C2orf66: variants seen among roughly 807,000 people sequenced by gnomAD.
C2orf66 encodes chromosome 2 open reading frame 66.
In C2orf66, 6 loss-of-function variants were observed where a neutral mutation model predicts 7.0. That is an observed-to-expected ratio of 0.86 (90% CI 0.47 to 1.69). The LOEUF is 1.69. Ranked by LOEUF, C2orf66 falls within the 40% of genes most tolerant of loss-of-function variation. The pLI, the probability that C2orf66 is intolerant of heterozygous loss-of-function variation, is 0.01. For missense variants in C2orf66, 107 were observed against 112.0 expected, an observed-to-expected ratio of 0.96 and a Z score of 0.20; for synonymous variants, 38 against 43.8, an observed-to-expected ratio of 0.87 and a Z score of 0.52.
At chr2:196,828,735 G>A in the C2orf66 span, among the ~76,000 whole-genome samples, 1 of 152,186 alleles carries the variant, frequency 6.6e-6, no homozygotes, top group Non-Finnish European at 1.5e-5. Flanking sequence ...TCTCTTGCTG[G>A]TTTTGAAGGA....
the C2orf66 span, among the ~76,000 whole-genome samples, chr2:196,824,088 AAGATTTTGAG>A: frequency 6.6e-6 from 1 of 152,178 alleles, no homozygotes; most frequent in Non-Finnish European, 1.5e-5. Flanking sequence ...ATGGTCAGAA[AAGATTTTGAG>A]AGTAGGAAGT....
the C2orf66 span, among the ~76,000 whole-genome samples, chr2:196,815,669 G>A: frequency 1.3e-5 from 2 of 152,184 alleles, no homozygotes; most frequent in Non-Finnish European, 2.9e-5. Context: ...CAACAAATAT[G>A]TGTTGATTGA....
intron 1 of C2orf66, 60 bp downstream of exon 1, chr2:196,809,154 G>T: frequency 6.6e-7 from 1 of 1,504,540 alleles, no homozygotes; most frequent in Non-Finnish European, 9.1e-7. Flanking sequence ...AATGCTGTGT[G>T]CGTAAATCCA....
At position 196,809,294 on chromosome 2, in the gene C2orf66, G is replaced by T. The variant is rs892949354; in HGVS notation, c.43C>A (p.Leu15Met). 36 of 1,613,930 alleles carry T rather than the reference G, an allele frequency of 2.2e-5. No homozygotes were observed. The highest frequency in any genetic ancestry group is 2.9e-5 in the Non-Finnish European group (34 of 1,179,954). The change falls in exon 1 of 3, where the codon CTG becomes ATG. Residue 15 changes from leucine (L) to methionine (M), a missense_variant. Coordinates refer to ENST00000342506, the MANE Select transcript of C2orf66 (RefSeq NM_213608.3). The part of the protein sequence containing the change: ...PLLLLCVALV[L>M]LGHVNGATVR... Reference sequence around the variant, plus strand: ...GTGGCTCCATTCACATGCCCAAGCAGCACCAGGGCAACACATAGTAGCAGG... The same window carrying T: ...GTGGCTCCATTCACATGCCCAAGCATCACCAGGGCAACACATAGTAGCAGG...
At chr2:196,812,612 GTA>G (rs1340379953), upstream of C2orf66, among the ~76,000 whole-genome samples, 1 of 152,164 alleles carries the variant, frequency 6.6e-6, no homozygotes, top group Admixed American at 6.5e-5. Flanking sequence ...GAAATAAAGT[GTA>G]TTCAATTAGG....
At chr2:196,809,521 C>T (rs147396644), upstream of C2orf66, 53 of 728,384 alleles carry the variant, frequency 7.3e-5, no homozygotes, top group African/African-American at 8.1e-4. Context: ...AAATGAGGAC[C>T]CCAAAATGCA....
the C2orf66 span, among the ~76,000 whole-genome samples, chr2:196,826,913 C>T: frequency 6.6e-6 from 1 of 151,934 alleles, no homozygotes; most frequent in Non-Finnish European, 1.5e-5. Context: ...CACCTGTAGT[C>T]CCAGCTACTC....
chr2:196,815,897 C>A, the C2orf66 span, among the ~76,000 whole-genome samples: 3 of 152,108 alleles, frequency 2.0e-5, no homozygotes, highest in Non-Finnish European at 4.4e-5. Context: ...TTTTCTTCCC[C>A]TTGGCCTAAG....
chr2:196,817,586 G>A, the C2orf66 span, among the ~76,000 whole-genome samples: 1 of 151,922 alleles, frequency 6.6e-6, no homozygotes, highest in Non-Finnish European at 1.5e-5. Flanking sequence ...GGGTTTGAGA[G>A]CAGAGAACCG....
intron 1 of C2orf66, among the ~76,000 whole-genome samples, chr2:196,808,868 C>T (rs894117353): frequency 8.5e-5 from 13 of 152,098 alleles, no homozygotes; most frequent in Middle Eastern, 3.2e-3. Context: ...AAGCTATGCA[C>T]GAGCAATTCC....
At chr2:196,825,088 G>A in the C2orf66 span, among the ~76,000 whole-genome samples, 1 of 151,886 alleles carries the variant, frequency 6.6e-6, no homozygotes, top group African/African-American at 2.4e-5. Context: ...ACAAAAATTA[G>A]CCAGGCATGG....
the C2orf66 span, among the ~76,000 whole-genome samples, chr2:196,824,430 T>A: frequency 6.6e-6 from 1 of 152,362 alleles, no homozygotes; most frequent in Admixed American, 6.5e-5. Context: ...TGAAAAGAAC[T>A]GCTTACCTCT....
At chr2:196,830,452 G>A in the C2orf66 span, among the ~76,000 whole-genome samples, 3 of 152,322 alleles carry the variant, frequency 2.0e-5, no homozygotes, top group Admixed American at 6.5e-5. Context: ...CTTCTCCTGT[G>A]AACAGGATAT....
chr2:196,830,962 T>C, the C2orf66 span, among the ~76,000 whole-genome samples: 1 of 152,124 alleles, frequency 6.6e-6, no homozygotes, highest in African/African-American at 2.4e-5. Context: ...CTAATTCACA[T>C]AGAGAATTAA....
the C2orf66 span, among the ~76,000 whole-genome samples, chr2:196,817,623 G>C: frequency 2.0e-5 from 3 of 152,182 alleles, no homozygotes; most frequent in Admixed American, 2.0e-4. Context: ...ACCAGGGTGG[G>C]GTTTTTCCCC....
At chr2:196,825,466 C>T in the C2orf66 span, among the ~76,000 whole-genome samples, 1 of 152,292 alleles carries the variant, frequency 6.6e-6, no homozygotes, top group South Asian at 2.1e-4. Context: ...CACAAGGTTA[C>T]TGGATATTAC....
the C2orf66 span, among the ~76,000 whole-genome samples, chr2:196,818,557 T>A: frequency 6.6e-6 from 1 of 152,198 alleles, no homozygotes; most frequent in African/African-American, 2.4e-5. Context: ...TTCAAGCCAT[T>A]TCTCCTACAG....
At chr2:196,820,446 C>A in the C2orf66 span, among the ~76,000 whole-genome samples, 39 of 152,272 alleles carry the variant, frequency 2.6e-4, no homozygotes, top group African/African-American at 8.2e-4. Flanking sequence ...TTCTGGCTTA[C>A]TATCAAACTT....
In C2orf66 at chr2:196,805,132, A is replaced by G. The variant is rs1699806348; in HGVS notation, c.*296T>C. ...CTTAAAGAAACATCTAATTTAGATT[A>G]TAATCTTTTTTCAGTTTGTGATGTT... On this transcript the variant is annotated 3_prime_UTR_variant, in exon 3 of 3. Transcript: ENST00000342506. The G allele has an allele frequency of 6.6e-6, 1 of 152,232 alleles. No homozygotes were observed. Among genetic ancestry groups the G allele is most frequent in the Non-Finnish European group, 1.5e-5 (1 of 68,046 alleles). 9.4% of individuals were successfully genotyped at this position (152,232 alleles called of 1,614,324 possible). A position where few individuals can be genotyped will look rare whatever the true frequency, so the allele number is the denominator to read the frequency against.
Sources: gnomAD v4.1 joint callset for allele counts (sites outside exome capture counted in the v4.1 genomes callset) on GRCh38, gnomAD v4.1.1 for gene constraint, MANE v1.5 for transcripts, NCBI Gene and HGNC (gene_info 2026-07-23, HGNC 2026-07-21) for gene names.